NBEAL1: variants seen among roughly 807,000 people sequenced by gnomAD.
NBEAL1 encodes the protein neurobeachin like 1.
NBEAL1 carries 273 observed loss-of-function variants against 351.3 expected under a neutral mutation model. That is an observed-to-expected ratio of 0.78 (90% CI 0.70 to 0.86). The LOEUF is 0.86. Ranked by LOEUF, NBEAL1 falls within the 40% of genes least tolerant of loss-of-function variation. NBEAL1 has a pLI of 0.00. For synonymous variants in NBEAL1, 1,050 were observed against 1,086.4 expected, an observed-to-expected ratio of 0.97 and a Z score of 0.66; for missense variants, 2,961 against 3,201.3, an observed-to-expected ratio of 0.92 and a Z score of 1.81.
At chr2:203,112,141 G>A (rs994819361) in intron 16 of NBEAL1, 43 bp downstream of exon 16, 2 of 1,515,832 alleles carry the variant, frequency 1.3e-6, no homozygotes, top group Non-Finnish European at 1.8e-6. Flanking sequence ...TATTGGTTGA[G>A]AATTCTTGAA....
intron 48 of NBEAL1, among the ~76,000 whole-genome samples, chr2:203,198,005 A>T (rs188186531): frequency 0.093 from 13,202 of 141,382 alleles, 717 homozygotes; most frequent in Non-Finnish European, 0.12. Context: ...TTATATATAT[A>T]TTTTTTTTTC....
Position 203,149,102 on chromosome 2 carries a change from G to A in NBEAL1, c.5416G>A (p.Ala1806Thr), listed in dbSNP as rs2063582564. The A allele has an allele frequency of 6.2e-7, 1 of 1,611,334 alleles. No individual in the cohort carries two copies. The change falls in exon 34 of 56, where the codon GCA becomes ACA. Residue 1806 changes from alanine to threonine, a missense_variant. Coordinates refer to ENST00000683969, the MANE Select transcript of NBEAL1 (RefSeq NM_001378026.1). ...QQLATLRRWK[A>T]IQLYLTCERG... ...GTTAGCCACTCTTAGACGCTGGAAA[G>A]CAATACAGCTCTATCTTACATGTGA...
chr2:203,163,586 T>C lies in NBEAL1; in HGVS notation c.5715-2563T>C, dbSNP rs958981911. Among the ~76,000 whole-genome samples the C allele has an allele frequency of 1.1e-4, 16 of 152,242 alleles. No homozygotes were observed. The East Asian group carries it at 3.1e-3, about 29-fold the overall frequency. On this transcript the variant is annotated intron_variant, in intron 36 of 55. Coordinates refer to ENST00000683969, the MANE Select transcript of NBEAL1 (RefSeq NM_001378026.1). ...TTCCCAATCAATCCTTCCTCCTTCA[T>C]CCTCCCAAAGGCAATTTAGACTTTT... is the stretch of plus-strand genomic sequence containing the variant.
intron 35 of NBEAL1, among the ~76,000 whole-genome samples, chr2:203,153,949 A>G (rs1225754858): frequency 6.6e-6 from 1 of 151,870 alleles, no homozygotes; most frequent in African/African-American, 2.4e-5. Context: ...TCACTTTAAA[A>G]ATTTACTCCA....
intron 10 of NBEAL1, among the ~76,000 whole-genome samples, chr2:203,087,620 T>C (rs996751871): frequency 1.3e-5 from 2 of 152,200 alleles, no homozygotes; most frequent in African/African-American, 4.8e-5. Flanking sequence ...TGTTTTCTTA[T>C]TCATGCTTTT....
intron 31 of NBEAL1, among the ~76,000 whole-genome samples, chr2:203,141,631 C>T (rs2063385498): frequency 6.6e-6 from 1 of 151,608 alleles, no homozygotes; most frequent in South Asian, 2.1e-4. Flanking sequence ...GATCCGCCCA[C>T]CTCATCCTCC....
rs770926378 is a variant in NBEAL1, at chr2:203,209,218, C to T, written c.7681C>T (p.Pro2561Ser). 1.9e-6 allele frequency: 3 copies of T among 1,613,436 alleles called. No individual in the cohort carries two copies. Among genetic ancestry groups the T allele is most frequent in the Non-Finnish European group, 2.5e-6 (3 of 1,179,544 alleles). The change falls in exon 53 of 56, where the codon CCA becomes TCA. Residue 2561 changes from proline to serine, a missense_variant. Transcript: ENST00000683969. ...QKGQYMRTLR[P>S]PCESSLFLTI... The stretch of plus-strand genomic sequence containing the variant: ...AGGTCAGTACATGAGGACTTTACGA[C>T]CACCTTGTGAGAGTTCTCTGTTCCT...
chr2:203,160,156 T>G (rs1444566378), intron 36 of NBEAL1, among the ~76,000 whole-genome samples: 1 of 151,224 alleles, frequency 6.6e-6, no homozygotes, highest in Non-Finnish European at 1.5e-5. Flanking sequence ...CTTGGCTCAC[T>G]GCAACCTCTA....
chr2:203,021,536 A>G (rs910163712), intron 2 of NBEAL1, among the ~76,000 whole-genome samples: 13 of 151,900 alleles, frequency 8.6e-5, no homozygotes, highest in African/African-American at 3.1e-4. Flanking sequence ...TGTAGGTTGC[A>G]TTGAGCTGAG....
intron 12 of NBEAL1, among the ~76,000 whole-genome samples, chr2:203,100,757 A>G (rs1249603230): frequency 6.6e-6 from 1 of 152,114 alleles, no homozygotes; most frequent in Non-Finnish European, 1.5e-5. Flanking sequence ...CACGTTGGCC[A>G]GGCTGGTCTT....
At chr2:203,029,733 A>G (rs540918851) in intron 2 of NBEAL1, among the ~76,000 whole-genome samples, 1 of 152,236 alleles carries the variant, frequency 6.6e-6, no homozygotes, top group South Asian at 2.1e-4. Context: ...CAAAAAGTAA[A>G]ATTTGAAACC....
At chr2:203,016,472 AC>A in intron 2 of NBEAL1, 37 bp downstream of exon 2, 1 of 1,322,062 alleles carries the variant, frequency 7.6e-7, no homozygotes, top group Non-Finnish European at 1.0e-6. Flanking sequence ...GTTTTAAAAT[AC>A]TTTATTATAA....
chr2:203,191,607 C>T (rs2065091236), intron 46 of NBEAL1, among the ~76,000 whole-genome samples: 1 of 152,060 alleles, frequency 6.6e-6, no homozygotes, highest in African/African-American at 2.4e-5. Flanking sequence ...GGTACTTTAC[C>T]TAATCTTCAT....
intron 51 of NBEAL1, 62 bp downstream of exon 51, chr2:203,202,843 A>G: frequency 1.1e-6 from 1 of 896,322 alleles, no homozygotes; most frequent in Non-Finnish European, 1.8e-6. Flanking sequence ...ATACTAGCAA[A>G]ATGTTCTACT....
chr2:203,161,680 T>A (rs976244838), intron 36 of NBEAL1, among the ~76,000 whole-genome samples: 1 of 126,120 alleles, frequency 7.9e-6, no homozygotes, highest in Non-Finnish European at 1.7e-5. Context: ...AATAAATAAA[T>A]AAAAGCCAGC....
chr2:203,141,451 G>T (rs2063380493), intron 31 of NBEAL1, among the ~76,000 whole-genome samples: 1 of 129,892 alleles, frequency 7.7e-6, no homozygotes, highest in Non-Finnish European at 1.6e-5. Context: ...CACAACCTCG[G>T]CTCACTGCAA....
At chr2:203,208,842 A>G (rs1327677702) in intron 52 of NBEAL1, 89 bp downstream of exon 52, 2 of 924,636 alleles carry the variant, frequency 2.2e-6, no homozygotes, top group South Asian at 1.7e-5. Context: ...AGAGGAATTG[A>G]TAAGAGTATA....
rs1410165252 is a variant in NBEAL1 at position 203,110,143 on chromosome 2, T to C, written c.1950-7T>C. The C allele has an allele frequency of 3.2e-6, 5 of 1,544,064 alleles. No homozygotes were observed. The Admixed American group carries it at 1.0e-4, about 32-fold the overall frequency. ...TTAAAAGTTCTGATAATACGTATTT[T>C]TTTTAGTTTTTTTACAGGAAGTGGC... On this transcript the variant is annotated splice_polypyrimidine_tract_variant and splice_region_variant and intron_variant, in intron 14 of 55. Transcript: ENST00000683969.
intron 3 of NBEAL1, among the ~76,000 whole-genome samples, chr2:203,046,738 G>A (rs2061233074): frequency 6.6e-6 from 1 of 152,160 alleles, no homozygotes; most frequent in South Asian, 2.1e-4. Flanking sequence ...TGAGGGCAGA[G>A]CCTTCTTGGC....
Sources: allele counts gnomAD v4.1 joint callset (sites outside exome capture counted in the v4.1 genomes callset), GRCh38; gene constraint gnomAD v4.1.1; transcripts MANE v1.5; gene names NCBI Gene and HGNC (gene_info 2026-07-23, HGNC 2026-07-21).